REXO5: variants seen among roughly 807,000 people sequenced by gnomAD.
The protein encoded by REXO5 is exonuclease NEF-sp.
In REXO5, 48 loss-of-function variants were observed where a neutral mutation model predicts 88.5. The ratio of observed to expected loss-of-function variants is 0.54; its 90% CI spans 0.43 to 0.69. The LOEUF (loss-of-function observed/expected upper bound fraction) is 0.69, where lower values mean the gene tolerates loss of function less well. Among genes scored for constraint, REXO5 ranks in the 30% least tolerant of loss-of-function variants. The pLI, the probability that REXO5 is intolerant of heterozygous loss-of-function variation, is 0.00. For missense variants in REXO5, 749 were observed against 912.2 expected (o/e 0.82, Z 2.30); for synonymous variants, 311 against 336.5 (o/e 0.92, Z 0.83).
rs926194906 is a variant in REXO5 at position 20,827,135 on chromosome 16, T to G, written c.899T>G (p.Leu300Arg). 6.2e-7 allele frequency: 1 copy of G among 1,614,134 alleles called. No individual in the cohort carries two copies. Among genetic ancestry groups the G allele is most frequent in the Non-Finnish European group, 8.5e-7 (1 of 1,179,980 alleles). ...GATGTACAGAGGCAGTTAAAAGCAC[T>G]GCTTCCTCCTGATGCTGTGTTAGTG... Reference protein sequence around the residue: ...LKDVQRQLKALLPPDAVLVGH... With the variant: ...LKDVQRQLKARLPPDAVLVGH... Residue 300 changes from leucine (L) to arginine (R), a missense_variant, in exon 9 of 20, where the codon CTG becomes CGG. Leu to Arg is a moderately radical substitution (Grantham distance 102). Coordinates refer to ENST00000261377, the MANE Select transcript of REXO5 (RefSeq NM_030941.3).
chr16:20,831,334 A>T (rs2081341497), intron 11 of REXO5, among the ~76,000 whole-genome samples: 2 of 152,158 alleles, frequency 1.3e-5, no homozygotes, highest in African/African-American at 4.8e-5. Flanking sequence ...AGATGTCTGG[A>T]AACCCCAGGA....
At position 20,832,140 on chromosome 16, in the gene REXO5, CTT is replaced by C. The variant is rs2081354455; in HGVS notation, c.1159-14_1159-13del. ...TCTGCAAGCAATTATATTTTTACCA[CTT>C]TGTTTTCTTCAAGATTGCAGAACTA... On this transcript the variant is annotated splice_polypyrimidine_tract_variant and intron_variant, in intron 11 of 19. Coordinates refer to ENST00000261377, the MANE Select transcript of REXO5 (RefSeq NM_030941.3). The C allele has an allele frequency of 6.5e-7, 1 of 1,527,054 alleles. No homozygotes were observed. Among genetic ancestry groups the C allele is most frequent in the Admixed American group, 1.8e-5 (1 of 54,566 alleles). The allele number at this position is 1,527,054 out of a possible 1,614,324, so 94.6% of individuals were successfully genotyped here. A position where few individuals can be genotyped will look rare whatever the true frequency, so the allele number is the denominator to read the frequency against.
At chr16:20,821,529 C>T (rs1319132571) in intron 5 of REXO5, among the ~76,000 whole-genome samples, 1 of 152,054 alleles carries the variant, frequency 6.6e-6, no homozygotes, top group Non-Finnish European at 1.5e-5. Flanking sequence ...CTCCTGACCT[C>T]GTGATCTGCC....
intron 13 of REXO5, among the ~76,000 whole-genome samples, chr16:20,836,714 G>C (rs189786808): frequency 6.6e-6 from 1 of 152,236 alleles, no homozygotes; most frequent in African/African-American, 2.4e-5. Context: ...AACTTCTGAA[G>C]TGTCTATGAT....
chr16:20,830,992 T>C, intron 11 of REXO5, among the ~76,000 whole-genome samples: 1 of 49,018 alleles, frequency 2.0e-5, no homozygotes, highest in East Asian at 3.1e-4. Flanking sequence ...CTTTTTCTGT[T>C]TTTTTTTTTT....
At chr16:20,823,007 G>A (rs2081207930) in intron 6 of REXO5, among the ~76,000 whole-genome samples, 1 of 152,170 alleles carries the variant, frequency 6.6e-6, no homozygotes, top group African/African-American at 2.4e-5. Context: ...CCCACCAGCA[G>A]CATATGAGGT....
intron 15 of REXO5, among the ~76,000 whole-genome samples, chr16:20,840,985 A>G (rs1453679094): frequency 6.6e-6 from 1 of 152,140 alleles, no homozygotes; most frequent in African/African-American, 2.4e-5. Flanking sequence ...AGTAACTTTC[A>G]TATCTTAGAA....
chr16:20,816,305 C>A, intron 5 of REXO5, 93 bp downstream of exon 5: 2 of 1,062,248 alleles, frequency 1.9e-6, no homozygotes, highest in Non-Finnish European at 2.7e-6. Flanking sequence ...TCAATTCTAA[C>A]TAGCTTAAGC....
chr16:20,817,743 C>G (rs1021597834), intron 5 of REXO5, among the ~76,000 whole-genome samples: 10 of 152,188 alleles, frequency 6.6e-5, no homozygotes, highest in African/African-American at 2.4e-4. Context: ...GCACTCTGAT[C>G]TTCGTTAATC....
At position 20,814,967 on chromosome 16, in the gene REXO5, G is replaced by GTGGTTT; in HGVS notation, c.294_299dup (p.Val99_Phe100insLeuVal). On this transcript the variant is annotated inframe_insertion, in exon 4 of 20. Coordinates refer to ENST00000261377, the MANE Select transcript of REXO5 (RefSeq NM_030941.3). ...TCATCAAAACCACCTAAACAACGTA[G>GTGGTTT]TGGTTTTTGTTCTGCAGGGAATGAG... The GTGGTTT allele has an allele frequency of 6.2e-7, 1 of 1,613,766 alleles. No individual in the cohort carries two copies. Among genetic ancestry groups the GTGGTTT allele is most frequent in the South Asian group, 1.1e-5 (1 of 90,960 alleles).
At chr16:20,822,059 T>C (rs929491049) in intron 6 of REXO5, among the ~76,000 whole-genome samples, 157 bp downstream of exon 6, 25 of 152,232 alleles carry the variant, frequency 1.6e-4, no homozygotes, top group African/African-American at 6.0e-4. Context: ...GCACAGTGTA[T>C]CTCAAAAGTG....
chr16:20,806,719 A>G lies in REXO5; in HGVS notation c.-3+14A>G, dbSNP rs542113203. On this transcript the variant is annotated intron_variant, in intron 1 of 19. Transcript: ENST00000261377. ...GTTGAGAATCCGGTAACCGATGCGG[A>G]CGGTAAAGCCGTTTGGGTTAGAGCG... 6.8e-5 allele frequency: 67 copies of G among 979,890 alleles called. 1 individual carries two copies. In the East Asian group the frequency reaches 1.7e-3, roughly 25 times the overall value. The allele number at this position is 979,890 out of a possible 1,614,324, so 60.7% of individuals were successfully genotyped here. A position where few individuals can be genotyped will look rare whatever the true frequency, so the allele number is the denominator to read the frequency against.
At chr16:20,815,152 C>A (rs929061714) in intron 4 of REXO5, 99 bp downstream of exon 4, 9 of 1,325,930 alleles carry the variant, frequency 6.8e-6, no homozygotes, top group African/African-American at 3.0e-5. Flanking sequence ...CCTAACTGAA[C>A]AAACAGTAGG....
rs2081662042 is a variant in REXO5 at position 20,849,583 on chromosome 16, A to C, written c.*103A>C. ...CCCCAACCAGCAGACAGCTTTATGG[A>C]AACTTGGTATAGCAGCTAAAAGAGT... On this transcript the variant is annotated 3_prime_UTR_variant, in exon 20 of 20. Coordinates refer to ENST00000261377, the MANE Select transcript of REXO5 (RefSeq NM_030941.3). 1.0e-6 allele frequency: 1 copy of C among 974,324 alleles called. No individual in the cohort carries two copies. Among genetic ancestry groups the C allele is most frequent in the Non-Finnish European group, 1.6e-6 (1 of 614,928 alleles). The allele number at this position is 974,324 out of a possible 1,614,324, so 60.4% of individuals were successfully genotyped here. A position where few individuals can be genotyped will look rare whatever the true frequency, so the allele number is the denominator to read the frequency against.
intron 10 of REXO5, 28 bp downstream of exon 10, chr16:20,827,475 G>A: frequency 6.6e-7 from 1 of 1,524,034 alleles, no homozygotes; most frequent in Middle Eastern, 1.7e-4. Flanking sequence ...CTGTAATATT[G>A]TTCTGACAAA....
intron 5 of REXO5, among the ~76,000 whole-genome samples, chr16:20,819,720 A>G (rs189508092): frequency 1.3e-5 from 2 of 148,692 alleles, no homozygotes; most frequent in African/African-American, 4.9e-5. Context: ...GCGCCATTGC[A>G]CTCCAGCCTG....
intron 2 of REXO5, among the ~76,000 whole-genome samples, chr16:20,810,626 C>G (rs750637438): frequency 6.6e-6 from 1 of 152,172 alleles, no homozygotes; most frequent in African/African-American, 2.4e-5. Context: ...AAATTCATGA[C>G]CTCAAGTGAT....
chr16:20,814,914 G>T lies in REXO5; in HGVS notation c.252-13G>T. 1 of 1,609,700 alleles carries T rather than the reference G, an allele frequency of 6.2e-7. No individual in the cohort carries two copies. The highest frequency in any genetic ancestry group is 1.1e-5 in the South Asian group (1 of 90,086). ...CCATCTGTCTTAACTGTGTTGGTTT[G>T]ATTTCTTGGCAGCTGGTGCCAGCTT... On this transcript the variant is annotated splice_polypyrimidine_tract_variant and intron_variant, in intron 3 of 19. Transcript: ENST00000261377.
chr16:20,825,791 A>G (rs1310721193), intron 7 of REXO5, 42 bp from the exon 8 acceptor site: 2 of 1,382,976 alleles, frequency 1.4e-6, no homozygotes, highest in African/African-American at 1.4e-5. Flanking sequence ...AGAAGCAATA[A>G]CTTCCACAGT....
Sources: allele counts gnomAD v4.1 joint callset (sites outside exome capture counted in the v4.1 genomes callset), GRCh38; gene constraint gnomAD v4.1.1; transcripts MANE v1.5; gene names NCBI Gene and HGNC (gene_info 2026-07-23, HGNC 2026-07-21).